ZNF440: variants seen among roughly 807,000 people sequenced by gnomAD.
ZNF440 encodes the protein zinc finger protein 440.
In ZNF440, 47 loss-of-function variants were observed where a neutral mutation model predicts 49.7. That is an observed-to-expected ratio of 0.95 (90% CI 0.75 to 1.21). The LOEUF (loss-of-function observed/expected upper bound fraction) is 1.21, where lower values mean the gene tolerates loss of function less well. Ranked by LOEUF, ZNF440 falls within the 50% of genes most tolerant of loss-of-function variation. The pLI, the probability that ZNF440 is intolerant of heterozygous loss-of-function variation, is 0.00. For missense variants in ZNF440, 703 were observed against 715.0 expected, an observed-to-expected ratio of 0.98 and a Z score of 0.19; for synonymous variants, 255 against 237.7, an observed-to-expected ratio of 1.07 and a Z score of -0.67.
At chr19:11,814,494 T>TA in intron 1 of ZNF440, 44 bp downstream of exon 1, 2 of 1,480,936 alleles carry the variant, frequency 1.4e-6, no homozygotes, top group Non-Finnish European at 9.0e-7. Flanking sequence ...GGAGAGGGGC[T>TA]GGAATCGGCC....
intron 1 of ZNF440, among the ~76,000 whole-genome samples, chr19:11,826,332 T>A (rs1975865815): frequency 6.6e-6 from 1 of 150,870 alleles, no homozygotes; most frequent in South Asian, 2.1e-4. Flanking sequence ...TTTTTTTTTT[T>A]AAGACTCACC....
chr19:11,814,535 A>G, intron 1 of ZNF440, 85 bp downstream of exon 1: 1 of 1,354,770 alleles, frequency 7.4e-7, no homozygotes, highest in Non-Finnish European at 9.6e-7. Flanking sequence ...CCGGGCCTCC[A>G]CGCGGCGACT....
intron 1 of ZNF440, among the ~76,000 whole-genome samples, chr19:11,818,690 AC>A (rs1975762792): frequency 6.6e-6 from 1 of 152,020 alleles, no homozygotes; most frequent in African/African-American, 2.4e-5. Flanking sequence ...ATAGTCGCCC[AC>A]CAGCACACCT....
Position 11,830,677 on chromosome 19 carries a change from G to A in ZNF440, c.191G>A (p.Arg64Lys). ...CACCAAAACCCCAGGAGAAACTTCA[G>A]GTAATTTGTACTTACAAGACAAAGC... ...YEHQNPRRNF[R>K]SLIEEKVNEI... Residue 64 changes from arginine to lysine, a missense_variant and splice_region_variant, in exon 3 of 4, where the codon AGG becomes AAG. Coordinates refer to ENST00000304060, the MANE Select transcript of ZNF440 (RefSeq NM_152357.3). 2 of 1,613,736 alleles carry A rather than the reference G, an allele frequency of 1.2e-6. No individual in the cohort carries two copies. The highest frequency in any genetic ancestry group is 8.5e-7 in the Non-Finnish European group (1 of 1,179,816).
chr19:11,824,200 AAG>A (rs1037361731), intron 1 of ZNF440, among the ~76,000 whole-genome samples: 3 of 150,618 alleles, frequency 2.0e-5, no homozygotes, highest in Non-Finnish European at 4.4e-5. Context: ...AAAAAAAAAA[AAG>A]AAAAGAAAAG....
At chr19:11,820,920 C>T (rs1277717643) in intron 1 of ZNF440, among the ~76,000 whole-genome samples, 1 of 152,112 alleles carries the variant, frequency 6.6e-6, no homozygotes, top group East Asian at 1.9e-4. Context: ...GCCTGCAAAG[C>T]AAAATATACA....
intron 1 of ZNF440, among the ~76,000 whole-genome samples, chr19:11,825,557 C>T (rs1666474913): frequency 2.0e-5 from 3 of 152,174 alleles, no homozygotes; most frequent in Admixed American, 2.0e-4. Context: ...TGGAATGATA[C>T]TGTAAGTGGC....
chr19:11,825,918 C>T (rs975295316), intron 1 of ZNF440, among the ~76,000 whole-genome samples: 109 of 150,354 alleles, frequency 7.2e-4, no homozygotes, highest in African/African-American at 2.7e-3. Flanking sequence ...CAGGTTCAAG[C>T]AATTCTCCTG....
At chr19:11,830,224 C>G in intron 1 of ZNF440, 59 bp from the exon 2 acceptor site, 2 of 1,608,292 alleles carry the variant, frequency 1.2e-6, no homozygotes, top group Non-Finnish European at 1.7e-6. Flanking sequence ...GGAATAGAGT[C>G]TAGGCCCCCA....
At chr19:11,815,090 C>T (rs1431620470) in intron 1 of ZNF440, among the ~76,000 whole-genome samples, 1 of 151,896 alleles carries the variant, frequency 6.6e-6, no homozygotes, top group East Asian at 1.9e-4. Flanking sequence ...CCCTGGCTAA[C>T]ACGGTGAAAC....
At chr19:11,823,832 C>T (rs1462965630) in intron 1 of ZNF440, among the ~76,000 whole-genome samples, 1 of 152,044 alleles carries the variant, frequency 6.6e-6, no homozygotes, top group Non-Finnish European at 1.5e-5. Flanking sequence ...CCTGGTGGCA[C>T]ATGCCTGTAA....
chr19:11,817,986 G>T (rs576716569), intron 1 of ZNF440, among the ~76,000 whole-genome samples: 1 of 152,126 alleles, frequency 6.6e-6, no homozygotes, highest in African/African-American at 2.4e-5. Context: ...GAGGTGGGCG[G>T]ATCACTTGAG....
At chr19:11,826,614 G>A (rs1274932949) in intron 1 of ZNF440, among the ~76,000 whole-genome samples, 2 of 151,604 alleles carry the variant, frequency 1.3e-5, no homozygotes, top group Admixed American at 6.6e-5. Flanking sequence ...TACTCCACCA[G>A]GTATTTGCTG....
chr19:11,825,204 A>C (rs115198496), intron 1 of ZNF440, among the ~76,000 whole-genome samples: 22 of 152,332 alleles, frequency 1.4e-4, no homozygotes, highest in African/African-American at 5.3e-4. Context: ...AAACTGTTTG[A>C]AACCAAAGAA....
rs956379806 is a variant in ZNF440, at chr19:11,832,988, A to G, written c.*24A>G. The G allele has an allele frequency of 6.2e-7, 1 of 1,600,396 alleles. No homozygotes were observed. The highest frequency in any genetic ancestry group is 1.1e-5 in the South Asian group (1 of 89,112). On this transcript the variant is annotated 3_prime_UTR_variant, in exon 4 of 4. Transcript: ENST00000304060. ...AATGCACTCTGTAGAGAGACCTTAT[A>G]AATGTAAGATATGTGGGAGGGGCTT...
At chr19:11,815,793 C>T (rs7252922) in intron 1 of ZNF440, 17,593 of 152,234 alleles carry the variant, frequency 0.12, 1,827 homozygotes, top group African/African-American at 0.26. Flanking sequence ...ATCCCAGCTA[C>T]TTGAGAGGCT....
chr19:11,819,425 A>G (rs1302578833), intron 1 of ZNF440, among the ~76,000 whole-genome samples: 1 of 152,042 alleles, frequency 6.6e-6, no homozygotes, highest in Non-Finnish European at 1.5e-5. Context: ...TTGAGACACA[A>G]TCTTACTCTG....
At position 11,821,384 on chromosome 19, in the gene ZNF440, A is replaced by C. The variant is rs114382069; in HGVS notation, c.3+6934A>C. 5.6e-3 allele frequency among the ~76,000 whole-genome samples: 848 copies of C among 152,250 alleles called. 8 individuals carry two copies. Among genetic ancestry groups the C allele is most frequent in the African/African-American group, 0.02 (811 of 41,536 alleles). The stretch of plus-strand genomic sequence containing the variant: ...TAGCCAACCCCTCGAGATGCTCAGC[A>C]TTTCTTTCCAAACCCCAGTTTCCTG... On this transcript the variant is annotated intron_variant, in intron 1 of 3. Transcript: ENST00000304060.
chr19:11,823,998 T>C (rs553976948), intron 1 of ZNF440, among the ~76,000 whole-genome samples: 79 of 150,880 alleles, frequency 5.2e-4, no homozygotes, highest in African/African-American at 1.8e-3. Flanking sequence ...ATTATTCCAG[T>C]GTCGGCAACA....
Sources: gnomAD v4.1 joint callset for allele counts (sites outside exome capture counted in the v4.1 genomes callset) on GRCh38, gnomAD v4.1.1 for gene constraint, MANE v1.5 for transcripts, NCBI Gene and HGNC (gene_info 2026-07-23, HGNC 2026-07-21) for gene names.